DLGAP2: variants seen among roughly 807,000 people sequenced by gnomAD.
DLGAP2 encodes the protein disks large-associated protein 2.
DLGAP2 carries 26 observed loss-of-function variants against 100.3 expected under a neutral mutation model. That is an observed-to-expected ratio of 0.26 (90% CI 0.19 to 0.36). The LOEUF is 0.36. DLGAP2 is among the 10% of genes least tolerant of loss of function. The probability of loss-of-function intolerance (pLI) is 1.00; values close to 1 mark genes in which losing one functional copy is unlikely to be tolerated. For synonymous variants in DLGAP2, 886 were observed against 630.1 expected (o/e 1.41, Z -6.08); for missense variants, 1,858 against 1,453.2 (o/e 1.28, Z -4.53).
At chr8:1,049,708 C>G (rs73538173) in intron 2 of DLGAP2, among the ~76,000 whole-genome samples, 1 of 151,938 alleles carries the variant, frequency 6.6e-6, no homozygotes. Context: ...GATACAGACA[C>G]AGGCACATAT....
At chr8:1,090,179 T>C (rs111328405) in intron 2 of DLGAP2, among the ~76,000 whole-genome samples, 3,711 of 94,720 alleles carry the variant, frequency 0.039, 421 homozygotes, top group East Asian at 0.092. Context: ...TGGAAACTCA[T>C]ACCCCGAGGA....
intron 6 of DLGAP2, among the ~76,000 whole-genome samples, chr8:1,582,943 C>CG (rs1400794067): frequency 2.0e-5 from 3 of 152,086 alleles, no homozygotes; most frequent in African/African-American, 4.8e-5. Flanking sequence ...CTGCATGTCT[C>CG]GGTTTTGGTG....
At chr8:1,248,757 G>C (rs916815328) in intron 2 of DLGAP2, 11 of 152,772 alleles carry the variant, frequency 7.2e-5, no homozygotes, top group African/African-American at 1.9e-4. Context: ...GGACGGTGAG[G>C]TTCACTGTGC....
chr8:1,531,741 C>T (rs1800996815), intron 4 of DLGAP2, among the ~76,000 whole-genome samples: 1 of 152,034 alleles, frequency 6.6e-6, no homozygotes, highest in South Asian at 2.1e-4. Context: ...TTGGTGTGTG[C>T]ATAACTAAAT....
intron 3 of DLGAP2, among the ~76,000 whole-genome samples, chr8:1,268,212 T>C (rs1288302058): frequency 6.6e-6 from 1 of 152,232 alleles, no homozygotes; most frequent in Non-Finnish European, 1.5e-5. Flanking sequence ...CAGGAATACA[T>C]AAATATTTTA....
At chr8:915,769 C>T (rs934785938) in intron 2 of DLGAP2, among the ~76,000 whole-genome samples, 12 of 151,970 alleles carry the variant, frequency 7.9e-5, no homozygotes, top group Admixed American at 6.6e-5. Flanking sequence ...GTCCATCTGT[C>T]CCAGGGCGTG....
chr8:1,123,082 T>C (rs1383375884), intron 2 of DLGAP2, among the ~76,000 whole-genome samples: 3 of 152,216 alleles, frequency 2.0e-5, no homozygotes, highest in African/African-American at 4.8e-5. Context: ...AAAATAACTA[T>C]GCAAATCTTT....
chr8:1,278,312 C>A (rs142868696), intron 3 of DLGAP2, among the ~76,000 whole-genome samples: 2 of 152,310 alleles, frequency 1.3e-5, no homozygotes, highest in East Asian at 1.9e-4. Flanking sequence ...CAGAATTAGA[C>A]AGCATGGTCC....
chr8:1,686,802 TAGTATACAATAGTAC>T (rs1158138625), intron 12 of DLGAP2, among the ~76,000 whole-genome samples: 4 of 152,184 alleles, frequency 2.6e-5, no homozygotes, highest in African/African-American at 9.7e-5. Context: ...AAATAAGTTC[TAGTATACAATAGTAC>T]AGTAAGAAAA....
intron 6 of DLGAP2, among the ~76,000 whole-genome samples, chr8:1,616,646 C>G (rs950901920): frequency 8.5e-5 from 13 of 152,190 alleles, no homozygotes; most frequent in African/African-American, 3.1e-4. Flanking sequence ...GCAAAAATAT[C>G]TTTTAAAAAA....
At chr8:1,245,024 C>G (rs760709523) in intron 2 of DLGAP2, among the ~76,000 whole-genome samples, 2 of 152,254 alleles carry the variant, frequency 1.3e-5, no homozygotes, top group South Asian at 2.1e-4. Flanking sequence ...CCAGGAAATG[C>G]AAATCAAAAT....
intron 1 of DLGAP2, among the ~76,000 whole-genome samples, chr8:839,085 C>G (rs1263589874): frequency 1.3e-5 from 2 of 152,056 alleles, no homozygotes; most frequent in Non-Finnish European, 2.9e-5. Flanking sequence ...CAAAAGAAAA[C>G]AAGTGTTGGT....
chr8:949,370 G>T (rs1370458772), intron 2 of DLGAP2, among the ~76,000 whole-genome samples: 1 of 152,218 alleles, frequency 6.6e-6, no homozygotes, highest in African/African-American at 2.4e-5. Context: ...CCCAGCTGTA[G>T]ACAGTGTTTA....
chr8:1,286,099 A>G (rs919560245), intron 3 of DLGAP2, among the ~76,000 whole-genome samples: 18 of 152,222 alleles, frequency 1.2e-4, no homozygotes, highest in Admixed American at 6.5e-4. Context: ...GGGCAGGACC[A>G]GGTGGAGATC....
intron 3 of DLGAP2, among the ~76,000 whole-genome samples, chr8:1,310,024 A>G (rs981206415): frequency 2.7e-5 from 4 of 149,114 alleles, no homozygotes; most frequent in Non-Finnish European, 4.4e-5. Context: ...GAACCACTGT[A>G]TACCAGCCTG....
chr8:1,608,217 A>G (rs1290084208), intron 6 of DLGAP2, among the ~76,000 whole-genome samples: 2 of 127,214 alleles, frequency 1.6e-5, no homozygotes, highest in African/African-American at 2.7e-5. Context: ...TGCCTCCTCA[A>G]GTGGGTCCCT....
At chr8:1,601,375 C>G (rs986521895) in intron 6 of DLGAP2, among the ~76,000 whole-genome samples, 6 of 152,216 alleles carry the variant, frequency 3.9e-5, no homozygotes, top group Non-Finnish European at 7.3e-5. Flanking sequence ...AGGAGGCACT[C>G]TGTGCCTTAG....
chr8:1,312,037 G>A (rs912329647), intron 3 of DLGAP2, among the ~76,000 whole-genome samples: 4 of 152,212 alleles, frequency 2.6e-5, no homozygotes, highest in Non-Finnish European at 5.9e-5. Flanking sequence ...GTTGAACTGA[G>A]TGATACCATC....
intron 2 of DLGAP2, among the ~76,000 whole-genome samples, chr8:1,088,644 A>G (rs1189669679): frequency 3.4e-5 from 5 of 149,074 alleles, no homozygotes; most frequent in African/African-American, 1.2e-4. Context: ...CCACCACCCC[A>G]CTCTCTCCAC....
Sources: gnomAD v4.1 joint callset for allele counts (sites outside exome capture counted in the v4.1 genomes callset) on GRCh38, gnomAD v4.1.1 for gene constraint, MANE v1.5 for transcripts, NCBI Gene and HGNC (gene_info 2026-07-23, HGNC 2026-07-21) for gene names.